The following AGBL4 variants were observed in gnomAD, a reference collection of about 807,000 sequenced individuals.
The protein encoded by AGBL4 is AGBL carboxypeptidase 4, also known as cytosolic carboxypeptidase 6.
A neutral mutation model predicts 66.4 loss-of-function variants in AGBL4; 58 were observed. That is an observed-to-expected ratio of 0.87 (90% CI 0.71 to 1.09). The LOEUF (loss-of-function observed/expected upper bound fraction) is 1.09, where lower values mean the gene tolerates loss of function less well. Ranked by LOEUF, AGBL4 falls within the 50% of genes least tolerant of loss-of-function variation. The probability of loss-of-function intolerance (pLI) is 0.00; values close to 1 mark genes in which losing one functional copy is unlikely to be tolerated. For synonymous variants in AGBL4, 234 were observed against 222.9 expected (o/e 1.05, Z -0.44); for missense variants, 579 against 631.0 (o/e 0.92, Z 0.88).
intron 1 of AGBL4, among the ~76,000 whole-genome samples, chr1:49,882,385 C>T (rs1026401104): frequency 6.6e-6 from 1 of 150,988 alleles, no homozygotes; most frequent in Non-Finnish European, 1.5e-5. Context: ...TTTTTTGGTG[C>T]CATATGAACT....
intron 5 of AGBL4, among the ~76,000 whole-genome samples, chr1:48,916,358 A>G (rs1487338875): frequency 2.6e-5 from 4 of 152,190 alleles, no homozygotes; most frequent in African/African-American, 9.6e-5. Flanking sequence ...CACAGAGGAA[A>G]CATGCTCTAC....
chr1:49,482,665 T>G (rs1646980663), intron 3 of AGBL4, among the ~76,000 whole-genome samples: 1 of 152,044 alleles, frequency 6.6e-6, no homozygotes, highest in Admixed American at 6.5e-5. Flanking sequence ...TGTTCTCTGC[T>G]AGCTTCGAGA....
chr1:48,703,901 A>C (rs1557890505), intron 6 of AGBL4, among the ~76,000 whole-genome samples: 1 of 152,252 alleles, frequency 6.6e-6, no homozygotes, highest in Non-Finnish European at 1.5e-5. Context: ...ACACCCATGC[A>C]TTGCTAAAGG....
At chr1:49,009,728 G>A (rs968494586) in intron 5 of AGBL4, among the ~76,000 whole-genome samples, 8 of 150,350 alleles carry the variant, frequency 5.3e-5, no homozygotes, top group East Asian at 2.0e-4. Flanking sequence ...TTCAATATAC[G>A]CAAATCAATA....
chr1:49,547,379 A>T (rs1652577160), intron 3 of AGBL4, among the ~76,000 whole-genome samples: 1 of 152,188 alleles, frequency 6.6e-6, no homozygotes, highest in Non-Finnish European at 1.5e-5. Context: ...TTTTTATAGC[A>T]GTACCAGGAT....
At chr1:49,223,150 A>G (rs2148281117) in intron 4 of AGBL4, among the ~76,000 whole-genome samples, 1 of 152,322 alleles carries the variant, frequency 6.6e-6, no homozygotes, top group African/African-American at 2.4e-5. Flanking sequence ...AATAAATTTC[A>G]GTAAAAGAGT....
At chr1:49,394,265 T>G (rs566690920) in intron 3 of AGBL4, among the ~76,000 whole-genome samples, 1 of 152,046 alleles carries the variant, frequency 6.6e-6, no homozygotes, top group South Asian at 2.1e-4. Context: ...AAACTGCACT[T>G]TGAGGAGAAT....
At chr1:49,108,173 A>G (rs1038090539) in intron 4 of AGBL4, among the ~76,000 whole-genome samples, 3 of 152,218 alleles carry the variant, frequency 2.0e-5, no homozygotes, top group African/African-American at 7.2e-5. Context: ...TACTTCTCTG[A>G]TATCAGAATG....
At chr1:48,630,244 A>G (rs1157873880) in intron 9 of AGBL4, among the ~76,000 whole-genome samples, 1 of 152,214 alleles carries the variant, frequency 6.6e-6, no homozygotes, top group Non-Finnish European at 1.5e-5. Context: ...GCACAGGGCT[A>G]GGAAAGCAGC....
intron 3 of AGBL4, among the ~76,000 whole-genome samples, chr1:49,624,847 C>T (rs538820873): frequency 1.4e-4 from 21 of 152,122 alleles, no homozygotes; most frequent in Admixed American, 2.6e-4. Context: ...TTTAAAGCAA[C>T]TATTGTTTTG....
Position 49,141,514 on chromosome 1 carries a change from G to C in AGBL4, c.378-95714C>G, listed in dbSNP as rs1233839304. ...ACTTGAGGTGACACCCTTGTAAATTGTCCCTTTATTAAATTATCCTCAAAT... is the reference window on the plus strand; with the variant it reads ...ACTTGAGGTGACACCCTTGTAAATTCTCCCTTTATTAAATTATCCTCAAAT... On this transcript the variant is annotated intron_variant, in intron 4 of 13. Coordinates refer to ENST00000371839, the MANE Select transcript of AGBL4 (RefSeq NM_032785.4). Among the ~76,000 whole-genome samples, 4 of 152,078 alleles carry C rather than the reference G, an allele frequency of 2.6e-5. No homozygotes were observed. In the East Asian group the frequency reaches 7.7e-4, roughly 29 times the overall value.
chr1:49,701,713 A>G (rs947314293), intron 2 of AGBL4, among the ~76,000 whole-genome samples: 1 of 152,158 alleles, frequency 6.6e-6, no homozygotes, highest in Non-Finnish European at 1.5e-5. Context: ...CTTTGAAGTG[A>G]TCAACAAAAG....
chr1:49,723,080 A>G (rs1379982348), intron 2 of AGBL4, among the ~76,000 whole-genome samples: 2 of 152,104 alleles, frequency 1.3e-5, no homozygotes, highest in Non-Finnish European at 2.9e-5. Flanking sequence ...CGTGCAGCCA[A>G]TCACTAATCA....
chr1:49,978,456 CA>C (rs964004617), intron 1 of AGBL4, among the ~76,000 whole-genome samples: 2 of 151,844 alleles, frequency 1.3e-5, no homozygotes, highest in African/African-American at 2.4e-5. Flanking sequence ...AAATAAACAA[CA>C]AAAAAAATTA....
At chr1:49,342,290 C>G (rs927083435) in intron 3 of AGBL4, among the ~76,000 whole-genome samples, 2 of 152,130 alleles carry the variant, frequency 1.3e-5, no homozygotes, top group Non-Finnish European at 2.9e-5. Flanking sequence ...TAGGCTGTAG[C>G]AAATCTGGTG....
intron 5 of AGBL4, among the ~76,000 whole-genome samples, chr1:48,896,409 A>G (rs1173322507): frequency 1.3e-5 from 2 of 152,258 alleles, no homozygotes; most frequent in African/African-American, 4.8e-5. Flanking sequence ...TGCTGTGATT[A>G]GAATTCACAT....
At chr1:48,996,817 C>CCCAT (rs1553137068) in intron 5 of AGBL4, among the ~76,000 whole-genome samples, 12 of 147,756 alleles carry the variant, frequency 8.1e-5, no homozygotes, top group African/African-American at 3.0e-4. Context: ...CTTCCTTCCT[C>CCCAT]CCTTCCTTCC....
At chr1:48,867,992 G>A (rs1648277181) in intron 5 of AGBL4, among the ~76,000 whole-genome samples, 1 of 152,150 alleles carries the variant, frequency 6.6e-6, no homozygotes, top group Non-Finnish European at 1.5e-5. Flanking sequence ...ATGAAAACCT[G>A]AGGGTAGAGA....
intron 1 of AGBL4, among the ~76,000 whole-genome samples, chr1:49,982,765 G>T (rs527805186): frequency 1.3e-5 from 2 of 152,248 alleles, no homozygotes; most frequent in East Asian, 1.9e-4. Context: ...ACAATCAGCT[G>T]TGGAGAGGGG....
Sources: gnomAD v4.1 joint callset for allele counts (sites outside exome capture counted in the v4.1 genomes callset) on GRCh38, gnomAD v4.1.1 for gene constraint, MANE v1.5 for transcripts, NCBI Gene and HGNC (gene_info 2026-07-23, HGNC 2026-07-21) for gene names.